KDM5A: variants seen among roughly 807,000 people sequenced by gnomAD.
KDM5A encodes lysine demethylase 5A.
Under a neutral mutation model 193.5 loss-of-function variants are expected in KDM5A, and 42 were observed. The ratio of observed to expected loss-of-function variants is 0.22; its 90% CI spans 0.17 to 0.28. The LOEUF is 0.28. Among genes scored for constraint, KDM5A ranks in the 10% least tolerant of loss-of-function variants. KDM5A has a pLI of 1.00. For missense variants in KDM5A, 1,692 were observed against 2,055.1 expected (o/e 0.82, Z 3.42); for synonymous variants, 796 against 718.1 (o/e 1.11, Z -1.73).
rs11837969 is a variant in KDM5A, at chr12:311,776, G to A, written c.3037-712C>T. Among the ~76,000 whole-genome samples, 1,419 of 152,260 alleles carry A rather than the reference G, an allele frequency of 9.3e-3. 30 individuals carry two copies. The highest frequency in any genetic ancestry group is 0.032 in the African/African-American group (1,323 of 41,538). On this transcript the variant is annotated intron_variant, in intron 20 of 27. Coordinates refer to ENST00000399788, the MANE Select transcript of KDM5A (RefSeq NM_001042603.3). ...AGGCCAGGCGCGGTGGCTCACGCCT[G>A]TAATCCCAGCACTTTGGAAGGCCAA...
intron 22 of KDM5A, among the ~76,000 whole-genome samples, chr12:308,562 C>T (rs975106914): frequency 6.6e-6 from 1 of 152,074 alleles, no homozygotes; most frequent in Non-Finnish European, 1.5e-5. Flanking sequence ...CAAAACTTGA[C>T]GATCAGTTGT....
chr12:333,683 A>T, intron 11 of KDM5A, 34 bp from the exon 12 acceptor site: 1 of 1,598,610 alleles, frequency 6.3e-7, no homozygotes, highest in Non-Finnish European at 8.6e-7. Context: ...GCTAGGCAGA[A>T]CATGGTACCA....
intron 22 of KDM5A, among the ~76,000 whole-genome samples, chr12:309,275 A>G (rs1051993637): frequency 2.6e-5 from 4 of 152,200 alleles, no homozygotes; most frequent in Non-Finnish European, 5.9e-5. Flanking sequence ...CAAAAACTGG[A>G]TAATTATTTC....
rs1223129196 is a variant in KDM5A, at chr12:366,003, A to G, written c.468T>C (p.Ser156=). The stretch of plus-strand genomic sequence containing the variant: ...TTCTTTCATAATGTGACTTCAAAAG[A>G]GACCCAGTTCCTTTTCCTGGCAGAT... ...LGYLPGKGTG[S]LLKSHYERIL... Residue 156 remains serine (S), a synonymous_variant, in exon 4 of 28, where the codon TCT becomes TCC. Transcript: ENST00000399788. 1 of 1,613,862 alleles carries G rather than the reference A, an allele frequency of 6.2e-7. No individual in the cohort carries two copies. The highest frequency in any genetic ancestry group is 2.2e-5 in the East Asian group (1 of 44,866).
intron 3 of KDM5A, among the ~76,000 whole-genome samples, chr12:372,820 A>G (rs1243729516): frequency 6.6e-6 from 1 of 152,108 alleles, no homozygotes; most frequent in Non-Finnish European, 1.5e-5. Context: ...GAATTTTGTC[A>G]AAGGCCTTTT....
intron 4 of KDM5A, among the ~76,000 whole-genome samples, chr12:364,391 C>A (rs1944326578): frequency 6.6e-6 from 1 of 151,322 alleles, no homozygotes; most frequent in Non-Finnish European, 1.5e-5. Flanking sequence ...GTAGGAGAAT[C>A]ACTTGAAACC....
At chr12:326,578 T>C (rs1943787336) in intron 14 of KDM5A, among the ~76,000 whole-genome samples, 1 of 152,140 alleles carries the variant, frequency 6.6e-6, no homozygotes, top group South Asian at 2.1e-4. Context: ...CCACTGGATT[T>C]TGGCCGGGCA....
At chr12:348,001 T>C (rs1233676019) in intron 10 of KDM5A, among the ~76,000 whole-genome samples, 2 of 152,170 alleles carry the variant, frequency 1.3e-5, no homozygotes, top group Non-Finnish European at 2.9e-5. Context: ...AGAAAATTTT[T>C]GCAATCTATC....
chr12:382,993 T>G lies in KDM5A; in HGVS notation c.366+1038A>C, dbSNP rs116741978. 6.7e-3 allele frequency among the ~76,000 whole-genome samples: 976 copies of G among 146,054 alleles called. 14 individuals are homozygous for G. Among genetic ancestry groups the G allele is most frequent in the African/African-American group, 0.023 (904 of 39,872 alleles). On this transcript the variant is annotated intron_variant, in intron 3 of 27. Transcript: ENST00000399788. ...TAATCTCAGCTTGCAGGTCAGTTAG[T>G]TTTTTTTTTTCACATTAGGGAATAT...
intron 10 of KDM5A, among the ~76,000 whole-genome samples, chr12:337,566 A>G (rs1943950343): frequency 6.6e-6 from 1 of 152,150 alleles, no homozygotes; most frequent in African/African-American, 2.4e-5. Context: ...AGAATCTGAG[A>G]TTTATCCTAT....
chr12:310,687 C>A (rs902849805), intron 21 of KDM5A, among the ~76,000 whole-genome samples, 198 bp downstream of exon 21: 1 of 152,092 alleles, frequency 6.6e-6, no homozygotes, highest in African/African-American at 2.4e-5. Flanking sequence ...CAAGCCAAGG[C>A]CGACTGCTTT....
At chr12:310,619 G>A (rs1943571956) in intron 21 of KDM5A, among the ~76,000 whole-genome samples, 1 of 152,096 alleles carries the variant, frequency 6.6e-6, no homozygotes, top group South Asian at 2.1e-4. Context: ...GGGCGACAGG[G>A]CAAGACCCTG....
At chr12:352,457 A>C in intron 8 of KDM5A, 133 bp from the exon 9 acceptor site, 1 of 780,912 alleles carries the variant, frequency 1.3e-6, no homozygotes, top group East Asian at 2.6e-5. Flanking sequence ...AACAAAACAA[A>C]TATCAGCTAC....
Position 333,667 on chromosome 12 carries a change from T to A in KDM5A, c.1491-18A>T. 1 of 1,613,230 alleles carries A rather than the reference T, an allele frequency of 6.2e-7. No individual in the cohort carries two copies. The highest frequency in any genetic ancestry group is 8.5e-7 in the Non-Finnish European group (1 of 1,179,164). On this transcript the variant is annotated intron_variant, in intron 11 of 27. Coordinates refer to ENST00000399788, the MANE Select transcript of KDM5A (RefSeq NM_001042603.3). ...GCTCCCCCCTAGCAAAAGAAGTAACTGTTTAGCTAGGCAGAACATGGTACC... is the reference window on the plus strand; with the variant it reads ...GCTCCCCCCTAGCAAAAGAAGTAACAGTTTAGCTAGGCAGAACATGGTACC...
rs983461371 is a variant in KDM5A at position 284,436 on chromosome 12, G to A, written c.*1020C>T. The stretch of plus-strand genomic sequence containing the variant: ...TATTCAACAGCATCTGCTGTGGGCC[G>A]TAGTTAGAAATCACCAGTGTTGGAA... On this transcript the variant is annotated 3_prime_UTR_variant, in exon 28 of 28. Coordinates refer to ENST00000399788, the MANE Select transcript of KDM5A (RefSeq NM_001042603.3). The A allele has an allele frequency of 4.3e-5, 10 of 232,052 alleles. No individual in the cohort carries two copies. Among genetic ancestry groups the A allele is most frequent in the South Asian group, 3.6e-4 (2 of 5,498 alleles). The allele number at this position is 232,052 out of a possible 1,614,324, so 14.4% of individuals were successfully genotyped here. A position where few individuals can be genotyped will look rare whatever the true frequency, so the allele number is the denominator to read the frequency against.
intron 24 of KDM5A, among the ~76,000 whole-genome samples, chr12:299,172 C>A (rs1200380751): frequency 1.3e-5 from 2 of 152,102 alleles, no homozygotes; most frequent in Admixed American, 6.5e-5. Flanking sequence ...GGCAGGCCAA[C>A]ATTCAAATTC....
chr12:305,875 G>A (rs1179748177), intron 24 of KDM5A, among the ~76,000 whole-genome samples: 1 of 151,766 alleles, frequency 6.6e-6, no homozygotes, highest in Non-Finnish European at 1.5e-5. Context: ...TTCTAACCTG[G>A]GCCCAAGTAT....
In KDM5A at chr12:359,569, AC is replaced by A. The variant is rs1365012664; in HGVS notation, c.673-3033del. Among the ~76,000 whole-genome samples the A allele has an allele frequency of 2.0e-5, 3 of 151,542 alleles. No homozygotes were observed. The East Asian group carries it at 5.9e-4, about 30-fold the overall frequency. On this transcript the variant is annotated intron_variant, in intron 5 of 27. Coordinates refer to ENST00000399788, the MANE Select transcript of KDM5A (RefSeq NM_001042603.3). ...AGACCAACCTGGGCAACATGGCAAA[AC>A]CCTGTCTCTACAAACATACAAAAAT...
intron 24 of KDM5A, among the ~76,000 whole-genome samples, chr12:298,411 T>C (rs925597591): frequency 6.6e-6 from 1 of 152,184 alleles, no homozygotes; most frequent in African/African-American, 2.4e-5. Flanking sequence ...AACAAGAGTC[T>C]GGAGTGGACC....
Sources: gnomAD v4.1 joint callset for allele counts (sites outside exome capture counted in the v4.1 genomes callset) on GRCh38, gnomAD v4.1.1 for gene constraint, MANE v1.5 for transcripts, NCBI Gene and HGNC (gene_info 2026-07-23, HGNC 2026-07-21) for gene names.